MLIP: variants seen among roughly 807,000 people sequenced by gnomAD.
The protein encoded by MLIP is muscular LMNA-interacting protein.
In MLIP, 79 loss-of-function variants were observed where a neutral mutation model predicts 84.8. The ratio of observed to expected loss-of-function variants is 0.93; its 90% confidence interval spans 0.78 to 1.12. The LOEUF (loss-of-function observed/expected upper bound fraction) is 1.12. MLIP is among the 50% of genes most tolerant of loss of function. The pLI, the probability that MLIP is intolerant of heterozygous loss-of-function variation, is 0.00. For missense variants in MLIP, 1,257 were observed against 1,160.6 expected, an observed-to-expected ratio of 1.08 and a Z score of -1.21; for synonymous variants, 504 against 463.0, an observed-to-expected ratio of 1.09 and a Z score of -1.14.
intron 1 of MLIP, among the ~76,000 whole-genome samples, chr6:54,044,918 A>AT (rs1355945284): frequency 1.3e-5 from 2 of 152,180 alleles, no homozygotes; most frequent in Non-Finnish European, 2.9e-5. Flanking sequence ...CCACAGTACA[A>AT]TTTCATATTG....
At chr6:54,176,691 G>GA (rs961646163) in intron 9 of MLIP, among the ~76,000 whole-genome samples, 31 of 149,222 alleles carry the variant, frequency 2.1e-4, no homozygotes, top group South Asian at 4.3e-4. Flanking sequence ...CACAGAATTA[G>GA]AAAAAAAAAC....
intron 1 of MLIP, among the ~76,000 whole-genome samples, chr6:54,072,123 C>T (rs1325734040): frequency 6.6e-6 from 1 of 152,174 alleles, no homozygotes; most frequent in African/African-American, 2.4e-5. Context: ...TGACCCCCCA[C>T]TGATACCAGC....
intron 1 of MLIP, among the ~76,000 whole-genome samples, chr6:54,027,782 GC>G (rs1408316810): frequency 6.6e-6 from 1 of 152,134 alleles, no homozygotes; most frequent in African/African-American, 2.4e-5. Context: ...GAAAACCACT[GC>G]TAATTAAAGC....
chr6:54,177,844 C>T (rs1416565309), intron 9 of MLIP, among the ~76,000 whole-genome samples: 1 of 152,118 alleles, frequency 6.6e-6, no homozygotes, highest in African/African-American at 2.4e-5. Flanking sequence ...TACATATACA[C>T]CATGGAATAC....
At chr6:54,225,727 G>C (rs1403648191) in intron 11 of MLIP, among the ~76,000 whole-genome samples, 3 of 152,266 alleles carry the variant, frequency 2.0e-5, no homozygotes, top group Non-Finnish European at 4.4e-5. Context: ...GAATGTAATT[G>C]TCTCCTTAGA....
Position 54,124,669 on chromosome 6 carries a change from A to C in MLIP, c.449A>C (p.Asp150Ala). Residue 150 changes from aspartate (D) to alanine (A), a missense_variant, in exon 3 of 14, where the codon GAT (aspartate) becomes GCT (alanine). By Grantham distance (126) the Asp-to-Ala change is moderately radical (BLOSUM62 -2). Coordinates refer to ENST00000502396, the MANE Select transcript of MLIP (RefSeq NM_001281747.2). The stretch of plus-strand genomic sequence containing the variant: ...CTTATTGTGGACTCCGAAGGGGAAG[A>C]TGAGGCTGCAAGCAGAAAAGTTGAA... ...YVLIVDSEGE[D>A]EAASRKVEQG... 1.2e-6 allele frequency: 2 copies of C among 1,614,194 alleles called. No individual in the cohort carries two copies. The highest frequency in any genetic ancestry group is 1.7e-6 in the Non-Finnish European group (2 of 1,180,030).
At chr6:54,176,460 T>C (rs951257922) in intron 9 of MLIP, among the ~76,000 whole-genome samples, 3 of 152,048 alleles carry the variant, frequency 2.0e-5, no homozygotes, top group Non-Finnish European at 4.4e-5. Flanking sequence ...CATGGTTCAG[T>C]CTTGATAGGT....
chr6:54,038,971 T>G (rs1390792681), intron 1 of MLIP, among the ~76,000 whole-genome samples: 2 of 151,882 alleles, frequency 1.3e-5, no homozygotes, highest in African/African-American at 2.4e-5. Context: ...CATCATATAA[T>G]TTAATAGACG....
chr6:54,123,926 T>A (rs1770681871), intron 2 of MLIP, among the ~76,000 whole-genome samples: 1 of 152,214 alleles, frequency 6.6e-6, no homozygotes, highest in African/African-American at 2.4e-5. Context: ...GTACTAAAAA[T>A]ATCTGCATCT....
In MLIP at chr6:54,216,419, C is replaced by T. The variant is rs1779858036; in HGVS notation, c.2718+14186C>T. On this transcript the variant is annotated intron_variant, in intron 11 of 13. Coordinates refer to ENST00000502396, the MANE Select transcript of MLIP (RefSeq NM_001281747.2). ...AAAACATAAAACTCAGCATTGTAGTCCTCTGCTGCTCACTGTGATTGATTA... is the reference window on the plus strand; with the variant it reads ...AAAACATAAAACTCAGCATTGTAGTTCTCTGCTGCTCACTGTGATTGATTA... 4 of 985,200 alleles carry T rather than the reference C, an allele frequency of 4.1e-6. 1 individual carries two copies. The highest frequency in any genetic ancestry group is 9.4e-5 in the South Asian group (2 of 21,280). 61.0% of individuals were successfully genotyped at this position (985,200 alleles called of 1,614,324 possible). A position where few individuals can be genotyped will look rare whatever the true frequency, so the allele number is the denominator to read the frequency against.
intron 1 of MLIP, among the ~76,000 whole-genome samples, chr6:54,088,597 G>A (rs1344687414): frequency 2.0e-5 from 3 of 152,108 alleles, no homozygotes; most frequent in East Asian, 1.9e-4. Flanking sequence ...TTTGGTGACC[G>A]TTGTTTATCA....
At chr6:54,196,184 T>TA (rs937662187) in intron 10 of MLIP, among the ~76,000 whole-genome samples, 6 of 152,038 alleles carry the variant, frequency 3.9e-5, no homozygotes, top group African/African-American at 7.2e-5. Context: ...CACCTTTTTT[T>TA]AAAAAAAAGA....
intron 1 of MLIP, among the ~76,000 whole-genome samples, chr6:54,043,990 C>G (rs1764892479): frequency 6.6e-6 from 1 of 152,150 alleles, no homozygotes; most frequent in Non-Finnish European, 1.5e-5. Flanking sequence ...CTATAGGAAG[C>G]TGTGGTTTGC....
chr6:54,093,791 C>A (rs1399605879), intron 1 of MLIP, among the ~76,000 whole-genome samples: 1 of 152,210 alleles, frequency 6.6e-6, no homozygotes, highest in Non-Finnish European at 1.5e-5. Flanking sequence ...AACATAGGCA[C>A]ACCTATTTCT....
chr6:54,212,692 T>C (rs1433440234), intron 11 of MLIP, among the ~76,000 whole-genome samples: 1 of 152,190 alleles, frequency 6.6e-6, no homozygotes, highest in African/African-American at 2.4e-5. Context: ...AAATCATCAA[T>C]ATGATTTATT....
At chr6:54,201,846 A>C (rs1778702888) in intron 10 of MLIP, among the ~76,000 whole-genome samples, 1 of 152,242 alleles carries the variant, frequency 6.6e-6, no homozygotes, top group Non-Finnish European at 1.5e-5. Flanking sequence ...CAGCAAGGGT[A>C]GAACATGTTT....
At chr6:54,194,668 A>G (rs1213022611) in intron 10 of MLIP, among the ~76,000 whole-genome samples, 1 of 151,972 alleles carries the variant, frequency 6.6e-6, no homozygotes, top group Non-Finnish European at 1.5e-5. Context: ...TTTCAAATTT[A>G]TTTTATGCTG....
intron 9 of MLIP, among the ~76,000 whole-genome samples, chr6:54,188,001 G>A (rs1777563095): frequency 1.3e-5 from 2 of 152,034 alleles, no homozygotes; most frequent in South Asian, 4.1e-4. Flanking sequence ...GGGAGACTCC[G>A]TCTCAAATTA....
rs1329862295 is a variant in MLIP, at chr6:54,137,498, G to T, written c.1429G>T (p.Asp477Tyr). ...TTGTTCCCTGAGAGCCGGGTCACCA[G>T]ATCAAGGGGAACTCCAGGTTTCTGA... is the stretch of plus-strand genomic sequence containing the variant. ...SSCSLRAGSP[D>Y]QGELQVSELT... Residue 477 changes from aspartate to tyrosine, a missense_variant, in exon 4 of 14, where the codon GAT becomes TAT. Asp to Tyr is a radical substitution (Grantham distance 160, BLOSUM62 -3). Transcript: ENST00000502396. 2 of 1,536,078 alleles carry T rather than the reference G, an allele frequency of 1.3e-6. No homozygotes were observed. The highest frequency in any genetic ancestry group is 1.7e-4 in the Middle Eastern group (1 of 5,990).
Sources: gnomAD v4.1 joint callset for allele counts (sites outside exome capture counted in the v4.1 genomes callset) on GRCh38, gnomAD v4.1.1 for gene constraint, MANE v1.5 for transcripts, NCBI Gene and HGNC (gene_info 2026-07-23, HGNC 2026-07-21) for gene names.